The following CDH4 variants were observed in gnomAD, a reference collection of about 807,000 sequenced individuals.
The protein encoded by CDH4 is cadherin 4.
CDH4 carries 33 observed loss-of-function variants against 86.0 expected under a neutral mutation model. The observed-to-expected ratio is 0.38, with a 90% confidence interval of 0.29 to 0.51. The LOEUF is 0.51. CDH4 is among the 20% of genes least tolerant of loss of function. The pLI is 0.86. For missense variants in CDH4, 1,114 were observed against 1,307.4 expected (o/e 0.85, Z 2.28); for synonymous variants, 555 against 549.4 (o/e 1.01, Z -0.14).
At chr20:61,731,311 C>T (rs975456226) in intron 2 of CDH4, among the ~76,000 whole-genome samples, 1 of 152,156 alleles carries the variant, frequency 6.6e-6, no homozygotes, top group Non-Finnish European at 1.5e-5. Flanking sequence ...CACACGTGCC[C>T]AGTCAGGTTC....
intron 3 of CDH4, among the ~76,000 whole-genome samples, chr20:61,751,452 G>A (rs968303148): frequency 6.6e-6 from 1 of 152,206 alleles, no homozygotes; most frequent in Non-Finnish European, 1.5e-5. Context: ...AAAAAGACAT[G>A]TAATGTGTTT....
At chr20:61,429,481 G>A (rs1252504629) in intron 2 of CDH4, among the ~76,000 whole-genome samples, 2 of 152,174 alleles carry the variant, frequency 1.3e-5, no homozygotes, top group Non-Finnish European at 2.9e-5. Flanking sequence ...TCCAGTACAG[G>A]GCAGCAAATT....
intron 2 of CDH4, among the ~76,000 whole-genome samples, chr20:61,481,942 G>A (rs1393080364): frequency 6.6e-6 from 1 of 152,096 alleles, no homozygotes; most frequent in African/African-American, 2.4e-5. Context: ...ACATATCGAT[G>A]ACTTTGTATG....
intron 2 of CDH4, among the ~76,000 whole-genome samples, chr20:61,736,594 G>A (rs1426679859): frequency 6.6e-6 from 1 of 152,038 alleles, no homozygotes; most frequent in Non-Finnish European, 1.5e-5. Context: ...AATGGATGAA[G>A]GGGAGAGGGA....
intron 2 of CDH4, among the ~76,000 whole-genome samples, chr20:61,403,600 A>T (rs932943810): frequency 8.5e-5 from 13 of 152,078 alleles, no homozygotes; most frequent in African/African-American, 2.9e-4. Context: ...CTAGGACGGG[A>T]CTTTTTCCCT....
At chr20:61,331,723 G>GACCC (rs2084581138) in intron 2 of CDH4, among the ~76,000 whole-genome samples, 1 of 45,770 alleles carries the variant, frequency 2.2e-5, no homozygotes, top group South Asian at 9.1e-4. Flanking sequence ...CCGACCACCT[G>GACCC]ACAGAAATGA....
At chr20:61,695,396 G>C (rs570810102) in intron 2 of CDH4, among the ~76,000 whole-genome samples, 2 of 152,162 alleles carry the variant, frequency 1.3e-5, no homozygotes, top group Non-Finnish European at 2.9e-5. Context: ...CATCAGACCC[G>C]AACGAGGGTC....
intron 2 of CDH4, among the ~76,000 whole-genome samples, chr20:61,349,455 G>A (rs550456523): frequency 2.0e-5 from 3 of 152,258 alleles, no homozygotes; most frequent in Non-Finnish European, 2.9e-5. Flanking sequence ...CACTTGAGGC[G>A]TGAGCCAGTT....
intron 2 of CDH4, among the ~76,000 whole-genome samples, chr20:61,645,955 A>G (rs751803235): frequency 7.9e-4 from 121 of 152,288 alleles, no homozygotes; most frequent in African/African-American, 2.7e-3. Context: ...GAGGGCAGAC[A>G]GCCAGTCTGG....
chr20:61,492,321 ATTG>A, intron 2 of CDH4, among the ~76,000 whole-genome samples: 1 of 142,514 alleles, frequency 7.0e-6, no homozygotes, highest in East Asian at 2.2e-4. Context: ...TGGTGTTGAT[ATTG>A]TTGATGTTTG....
At chr20:61,889,353 G>A (rs1308235176) in intron 7 of CDH4, among the ~76,000 whole-genome samples, 229 of 145,720 alleles carry the variant, frequency 1.6e-3, no homozygotes, top group African/African-American at 5.5e-3. Context: ...TGAGTGGATG[G>A]TGGATGATGG....
At chr20:61,683,157 T>C (rs2087535694) in intron 2 of CDH4, among the ~76,000 whole-genome samples, 1 of 152,160 alleles carries the variant, frequency 6.6e-6, no homozygotes, top group South Asian at 2.1e-4. Context: ...GTTTATAGGC[T>C]GTGTGTGAAT....
chr20:61,578,575 T>C (rs1332221078), intron 2 of CDH4, among the ~76,000 whole-genome samples: 3 of 152,082 alleles, frequency 2.0e-5, no homozygotes, highest in Non-Finnish European at 4.4e-5. Context: ...AGGAAGATGG[T>C]TCCCTCTCAG....
intron 2 of CDH4, among the ~76,000 whole-genome samples, chr20:61,730,804 T>C (rs746110618): frequency 6.6e-6 from 1 of 152,178 alleles, no homozygotes; most frequent in South Asian, 2.1e-4. Context: ...AAACGCCAGA[T>C]CTACTTGCTC....
At chr20:61,345,731 C>T (rs936457007) in intron 2 of CDH4, among the ~76,000 whole-genome samples, 3 of 152,264 alleles carry the variant, frequency 2.0e-5, no homozygotes, top group East Asian at 1.9e-4. Flanking sequence ...AGCAAGGAAG[C>T]GGCTGCCAGG....
rs1306513169 is a variant in CDH4 at position 61,810,410 on chromosome 20, TTTCTGACCTGGGTTCTCAGACCCAAG to T, written c.577-34249_577-34224del. On this transcript the variant is annotated intron_variant, in intron 4 of 15. Coordinates refer to ENST00000614565, the MANE Select transcript of CDH4 (RefSeq NM_001794.5). The surrounding 1 kb of genome is among the most constrained non-coding windows in gnomAD (Gnocchi z 4.3). ...CCAGCAAAAACTGCCCTCGGCCAAGTTTCTGACCTGGGTTCTCAGACCCAAGTTCTGACCCGGGTTCTCAGACCCAA... is the reference window on the plus strand; with the variant it reads ...CCAGCAAAAACTGCCCTCGGCCAAGTTTCTGACCCGGGTTCTCAGACCCAA... Among the ~76,000 whole-genome samples, 1 of 152,152 alleles carries T rather than the reference TTTCTGACCTGGGTTCTCAGACCCAAG, an allele frequency of 6.6e-6. No individual in the cohort carries two copies. The highest frequency in any genetic ancestry group is 2.4e-5 in the African/African-American group (1 of 41,434).
rs924059287 is a variant in CDH4 at position 61,626,684 on chromosome 20, G to A, written c.170-116879G>A. On this transcript the variant is annotated intron_variant, in intron 2 of 15. Coordinates refer to ENST00000614565, the MANE Select transcript of CDH4 (RefSeq NM_001794.5). ...TCTGCTTCTGCACCCAGCAGCAGGT[G>A]GTCCTGGAGCCGGAGACAGCTTGGT... 1.2e-4 allele frequency among the ~76,000 whole-genome samples: 19 copies of A among 152,180 alleles called. 1 individual carries two copies. Among genetic ancestry groups the A allele is most frequent in the Admixed American group, 1.1e-3 (17 of 15,276 alleles).
chr20:61,307,939 G>A (rs1236362334), intron 2 of CDH4, among the ~76,000 whole-genome samples: 1 of 152,138 alleles, frequency 6.6e-6, no homozygotes, highest in African/African-American at 2.4e-5. Context: ...CAGATATCTG[G>A]GTGTCACTAG....
intron 2 of CDH4, among the ~76,000 whole-genome samples, chr20:61,294,845 G>T (rs1037163764): frequency 1.3e-5 from 2 of 152,258 alleles, no homozygotes; most frequent in African/African-American, 4.8e-5. Flanking sequence ...GGCGCTCGGT[G>T]TGAGTTCACA....
Sources: allele counts gnomAD v4.1 joint callset (sites outside exome capture counted in the v4.1 genomes callset), GRCh38; gene constraint gnomAD v4.1.1; non-coding constraint Gnocchi (gnomAD v3.1); transcripts MANE v1.5; gene names NCBI Gene and HGNC (gene_info 2026-07-23, HGNC 2026-07-21).